ACSL4: variants seen among roughly 807,000 people sequenced by gnomAD.
ACSL4 encodes the protein long-chain-fatty-acid--CoA ligase 4.
A neutral mutation model predicts 49.1 loss-of-function variants in ACSL4; 9 were observed. The ratio of observed to expected loss-of-function variants is 0.18; its 90% confidence interval spans 0.11 to 0.32. ACSL4 has a LOEUF of 0.32. ACSL4 is among the 10% of genes least tolerant of loss of function. The pLI, the probability that ACSL4 is intolerant of heterozygous loss-of-function variation, is 1.00. For synonymous variants in ACSL4, 191 were observed against 170.3 expected, an observed-to-expected ratio of 1.12 and a Z score of -0.95; for missense variants, 333 against 493.7, an observed-to-expected ratio of 0.67 and a Z score of 3.08.
chrX:109,698,738 C>G (rs922733693), intron 1 of ACSL4, among the ~76,000 whole-genome samples: 27 of 111,647 alleles, frequency 2.4e-4, no homozygotes, highest in African/African-American at 8.5e-4. Context: ...ACAAAGTCCA[C>G]GCAGCTAATA....
At chrX:109,658,978 CAGAGCCACAGTA>C (rs780411359) in intron 15 of ACSL4, among the ~76,000 whole-genome samples, 6 of 112,231 alleles carry the variant, frequency 5.3e-5, no homozygotes, top group Non-Finnish European at 1.1e-4. Context: ...AGTCCATTTA[CAGAGCCACAGTA>C]TACACACAAA....
At chrX:109,675,867 G>C (rs1352381764) in intron 8 of ACSL4, among the ~76,000 whole-genome samples, 2 of 112,065 alleles carry the variant, frequency 1.8e-5, no homozygotes, top group African/African-American at 6.5e-5. Flanking sequence ...GTCAAGTTCT[G>C]CTATCAATCG....
intron 15 of ACSL4, among the ~76,000 whole-genome samples, chrX:109,658,063 T>C (rs1416530308): frequency 1.8e-5 from 2 of 111,342 alleles, no homozygotes; most frequent in Non-Finnish European, 3.8e-5. Context: ...TTTGATGGGG[T>C]TGTCAAAACG....
At chrX:109,709,071 A>G (rs1187045387) in intron 1 of ACSL4, among the ~76,000 whole-genome samples, 1 of 112,152 alleles carries the variant, frequency 8.9e-6, no homozygotes, top group Admixed American at 9.5e-5. Context: ...TGCATGAGAT[A>G]GAATAGGTAC....
intron 15 of ACSL4, among the ~76,000 whole-genome samples, chrX:109,644,800 T>C (rs1410292967): frequency 5.3e-5 from 6 of 112,861 alleles, no homozygotes; most frequent in African/African-American, 1.9e-4. Context: ...TGCCAGACAG[T>C]GGGCGCAGGT....
chrX:109,655,798 G>A (rs1038953410), intron 15 of ACSL4, among the ~76,000 whole-genome samples: 1 of 111,135 alleles, frequency 9.0e-6, no homozygotes, highest in African/African-American at 3.3e-5. Flanking sequence ...CATACACAAA[G>A]GAATGGGAAT....
intron 1 of ACSL4, among the ~76,000 whole-genome samples, chrX:109,711,101 C>A (rs780814541): frequency 1.8e-5 from 2 of 112,641 alleles, no homozygotes; most frequent in Non-Finnish European, 3.7e-5. Flanking sequence ...ATATTTCACA[C>A]CAATTTTATT....
intron 1 of ACSL4, among the ~76,000 whole-genome samples, chrX:109,709,104 G>A (rs1926569086): frequency 8.9e-6 from 1 of 111,787 alleles, no homozygotes; most frequent in African/African-American, 3.3e-5. Context: ...GCAACCTTCT[G>A]CCCCATAATG....
intron 1 of ACSL4, among the ~76,000 whole-genome samples, chrX:109,702,811 CAAT>C (rs1926071288): frequency 9.0e-6 from 1 of 111,259 alleles, no homozygotes; most frequent in African/African-American, 3.3e-5. Flanking sequence ...CAACAAATAA[CAAT>C]AATACTAGAT....
At chrX:109,674,203 G>A (rs771132208) in intron 9 of ACSL4, among the ~76,000 whole-genome samples, 199 bp downstream of exon 9, 1 of 111,868 alleles carries the variant, frequency 8.9e-6, no homozygotes, top group South Asian at 3.7e-4. Context: ...AAACAGGCGT[G>A]CATTTCAAAA....
chrX:109,700,068 C>G (rs1206248624), intron 1 of ACSL4, among the ~76,000 whole-genome samples: 1 of 108,099 alleles, frequency 9.3e-6, no homozygotes, highest in African/African-American at 3.4e-5. Flanking sequence ...ATTAGCCAGG[C>G]GTGGTGGTGG....
At position 109,684,111 on chromosome X, in the gene ACSL4, G is replaced by C. The variant is rs1010830797; in HGVS notation, c.-12-736C>G. ...TAGTGTTAGGTTTATATCCAAAGGG[G>C]GGGGTGGGGCAGAAACTATCAACTT... On this transcript the variant is annotated intron_variant, in intron 2 of 15. Transcript: ENST00000672401. Among the ~76,000 whole-genome samples the C allele has an allele frequency of 1.4e-4, 16 of 111,396 alleles. No individual in the cohort carries two copies. In the East Asian group the frequency reaches 1.7e-3, roughly 12 times the overall value.
chrX:109,723,818 T>C lies in ACSL4; in HGVS notation c.-66+9321A>G, dbSNP rs778733619. On this transcript the variant is annotated intron_variant, in intron 1 of 15. Transcript: ENST00000672401. ...TTTGGTATTCTTCAGCAAAGAGTTATACATGTGAACTCTCATTAACAGTGT... is the reference window on the plus strand; with the variant it reads ...TTTGGTATTCTTCAGCAAAGAGTTACACATGTGAACTCTCATTAACAGTGT... Among the ~76,000 whole-genome samples, 88 of 112,864 alleles carry C rather than the reference T, an allele frequency of 7.8e-4. 1 individual carries two copies. In the Admixed American group the frequency reaches 7.9e-3, roughly 10 times the overall value.
intron 15 of ACSL4, among the ~76,000 whole-genome samples, chrX:109,653,681 C>T (rs1921364316): frequency 9.1e-6 from 1 of 109,608 alleles, no homozygotes; most frequent in Admixed American, 9.8e-5. Flanking sequence ...TGGAAATCAT[C>T]ATTCTCAGTA....
intron 15 of ACSL4, among the ~76,000 whole-genome samples, chrX:109,650,240 C>T (rs760387229): frequency 1.6e-4 from 18 of 110,926 alleles, no homozygotes; most frequent in African/African-American, 4.9e-4. Flanking sequence ...ATGTTTACTG[C>T]GGCATTATTC....
intron 12 of ACSL4, 31 bp downstream of exon 12, chrX:109,665,389 G>C (rs1330336134): frequency 2.6e-6 from 3 of 1,143,956 alleles, no homozygotes; most frequent in African/African-American, 3.6e-5. Context: ...AGCATATCTT[G>C]AATCACTAGA....
At chrX:109,648,276 T>G (rs939621917) in intron 15 of ACSL4, among the ~76,000 whole-genome samples, 3 of 111,547 alleles carry the variant, frequency 2.7e-5, no homozygotes, top group Admixed American at 9.5e-5. Context: ...AAATCCTCAA[T>G]AAAATACTGG....
chrX:109,659,465 A>G lies in ACSL4; in HGVS notation c.1744T>C (p.Leu582=). The G allele has an allele frequency of 8.3e-7, 1 of 1,206,711 alleles. No homozygotes were observed. ...CCTTTCTGTTGTGCCAAAAGTGTCA[A>G]CCTTTTCTGGTTAGGAACCACAAAA... ...ISFVVPNQKR[L]TLLAQQKGVE... is the part of the protein sequence containing the mutation. Residue 582 remains leucine, a synonymous_variant, in exon 15 of 16, where the codon TTG becomes CTG. Transcript: ENST00000672401.
intron 15 of ACSL4, among the ~76,000 whole-genome samples, chrX:109,646,366 A>G: frequency 9.0e-6 from 1 of 111,624 alleles, no homozygotes; most frequent in Non-Finnish European, 1.9e-5. Context: ...GGGCCAATAT[A>G]CAACATTCTT....
Sources: allele counts gnomAD v4.1 joint callset (sites outside exome capture counted in the v4.1 genomes callset), GRCh38; gene constraint gnomAD v4.1.1; transcripts MANE v1.5; gene names NCBI Gene and HGNC (gene_info 2026-07-23, HGNC 2026-07-21).